The following GBA1 variants were observed in gnomAD, a reference collection of about 807,000 sequenced individuals.
The protein encoded by GBA1 is lysosomal acid glucosylceramidase.
At chr1:155,237,259 G>T in the GBA1 span, 1 of 1,607,036 alleles carries the variant, frequency 6.2e-7, no homozygotes, top group South Asian at 1.1e-5. Context: ...GTTGGGTAGA[G>T]AAATCGCTCT....
At chr1:155,240,184 C>A in the GBA1 span, 10 of 1,050,576 alleles carry the variant, frequency 9.5e-6, no homozygotes, top group African/African-American at 1.6e-5. Context: ...CACCCCTTGG[C>A]CGGGCGCAGG....
At chr1:155,240,784 A>AG in the GBA1 span, 2 of 1,391,086 alleles carry the variant, frequency 1.4e-6, no homozygotes, top group Non-Finnish European at 2.0e-6. Flanking sequence ...TCTCCTGGGC[A>AG]GGGCTTAGCT....
At chr1:155,235,409 G>T in the GBA1 span, 3,904 of 1,563,040 alleles carry the variant, frequency 2.5e-3, 12 homozygotes, top group Non-Finnish European at 3.1e-3. Flanking sequence ...CATAACTCCT[G>T]CAGAGGCTCT....
At chr1:155,236,104 G>A in the GBA1 span, 4 of 826,308 alleles carry the variant, frequency 4.8e-6, no homozygotes, top group South Asian at 6.0e-5. Context: ...AGGGAAGATA[G>A]GGAATCATGG....
chr1:155,240,991 G>A, the GBA1 span: 1 of 1,205,910 alleles, frequency 8.3e-7, no homozygotes. Flanking sequence ...AGCCATGATG[G>A]CCCTGGATTC....
chr1:155,238,593 G>A, the GBA1 span: 2 of 1,613,562 alleles, frequency 1.2e-6, no homozygotes, highest in South Asian at 1.1e-5. Context: ...ATAGGTGTAG[G>A]TGCGGATGGA....
At chr1:155,240,187 G>C in the GBA1 span, 1 of 974,080 alleles carries the variant, frequency 1.0e-6, no homozygotes. Context: ...CCCTTGGCCG[G>C]GCGCAGGGGC....
the GBA1 span, chr1:155,240,787 G>A: frequency 1.5e-6 from 2 of 1,363,722 alleles, no homozygotes. Context: ...CCTGGGCAGG[G>A]CTTAGCTGCC....
the GBA1 span, chr1:155,239,994 G>C: frequency 6.2e-7 from 1 of 1,614,094 alleles, no homozygotes; most frequent in Non-Finnish European, 8.5e-7. Context: ...AAGGTCGGGG[G>C]GTCAAAGGAG....
At chr1:155,235,942 G>A in the GBA1 span, 1 of 1,427,438 alleles carries the variant, frequency 7.0e-7, no homozygotes, top group Non-Finnish European at 9.9e-7. Flanking sequence ...GCTGTGGGTA[G>A]GTCAGCCCTG....
At chr1:155,235,462 C>T in the GBA1 span, 2 of 1,291,274 alleles carry the variant, frequency 1.5e-6, no homozygotes, top group East Asian at 5.1e-5. Context: ...TGGGCACTGA[C>T]CCTGCTTTTC....
At chr1:155,236,366 C>T in the GBA1 span, 68 of 1,614,024 alleles carry the variant, frequency 4.2e-5, no homozygotes, top group South Asian at 5.5e-5. Context: ...GGGGAACAGG[C>T]GGTGTGTCTC....
the GBA1 span, chr1:155,237,202 C>T: frequency 1.3e-6 from 2 of 1,513,808 alleles, no homozygotes; most frequent in East Asian, 2.4e-5. Context: ...ACTGTGGGAT[C>T]CATGGCACCC....
the GBA1 span, among the ~76,000 whole-genome samples, chr1:155,242,441 T>C: frequency 6.6e-6 from 1 of 151,956 alleles, no homozygotes; most frequent in African/African-American, 2.4e-5. Context: ...CAGGCTGGTC[T>C]GAAACTCTGG....
the GBA1 span, chr1:155,237,667 T>C: frequency 3.8e-6 from 6 of 1,578,722 alleles, no homozygotes; most frequent in African/African-American, 1.4e-5. Context: ...TCCCAGCACT[T>C]TGGGAAGCCG....
At chr1:155,239,986 G>T in the GBA1 span, 8 of 1,614,172 alleles carry the variant, frequency 5.0e-6, no homozygotes, top group Non-Finnish European at 6.8e-6. Flanking sequence ...GGGCAGGAAA[G>T]GTCGGGGGGT....
the GBA1 span, among the ~76,000 whole-genome samples, chr1:155,242,879 C>A: frequency 6.6e-6 from 1 of 152,210 alleles, no homozygotes; most frequent in Non-Finnish European, 1.5e-5. Flanking sequence ...AGCAATGAGC[C>A]ACCACACCCG....
the GBA1 span, chr1:155,238,929 A>T: frequency 6.7e-6 from 3 of 445,488 alleles, no homozygotes; most frequent in East Asian, 5.1e-5. Flanking sequence ...GTCCAAAGAA[A>T]GGGCAAAGAA....
chr1:155,237,249 G>C, the GBA1 span: 7 of 1,599,590 alleles, frequency 4.4e-6, no homozygotes, highest in African/African-American at 1.3e-5. Flanking sequence ...GGAATCCATA[G>C]TTGGGTAGAG....
Sources: allele counts gnomAD v4.1 joint callset (sites outside exome capture counted in the v4.1 genomes callset), GRCh38; gene constraint gnomAD v4.1.1; transcripts MANE v1.5; gene names NCBI Gene and HGNC (gene_info 2026-07-23, HGNC 2026-07-21).